Variants in ZFAND3 observed in about 807,000 individuals in gnomAD.
ZFAND3 encodes AN1-type zinc finger protein 3.
Under a neutral mutation model 29.6 loss-of-function variants are expected in ZFAND3, and 10 were observed. The ratio of observed to expected loss-of-function variants is 0.34; its 90% CI spans 0.21 to 0.57. The LOEUF (loss-of-function observed/expected upper bound fraction) is 0.57, where lower values mean the gene tolerates loss of function less well. Ranked by LOEUF, ZFAND3 falls within the 20% of genes least tolerant of loss-of-function variation. ZFAND3 has a pLI of 0.86. For missense variants in ZFAND3, 230 were observed against 304.5 expected, an observed-to-expected ratio of 0.76 and a Z score of 1.82; for synonymous variants, 128 against 112.6, an observed-to-expected ratio of 1.14 and a Z score of -0.87.
chr6:38,125,299 G>C (rs1481729271), intron 5 of ZFAND3, among the ~76,000 whole-genome samples: 1 of 152,202 alleles, frequency 6.6e-6, no homozygotes, highest in Admixed American at 6.5e-5. Flanking sequence ...ATTGCAACTT[G>C]AGATGTTAGA....
intron 5 of ZFAND3, among the ~76,000 whole-genome samples, chr6:38,140,491 G>GTGTTT (rs1383623379): frequency 4.6e-5 from 7 of 152,026 alleles, no homozygotes; most frequent in East Asian, 1.9e-4. Context: ...CATTCGTAGG[G>GTGTTT]TGTTTTGTTT....
intron 2 of ZFAND3, among the ~76,000 whole-genome samples, chr6:38,055,296 G>C (rs147852253): frequency 6.2e-4 from 94 of 152,324 alleles, no homozygotes; most frequent in African/African-American, 2.2e-3. Flanking sequence ...TTTATAGTCA[G>C]ATGGGGTTTG....
At chr6:37,942,310 A>G (rs990865386) in intron 2 of ZFAND3, among the ~76,000 whole-genome samples, 4 of 152,104 alleles carry the variant, frequency 2.6e-5, no homozygotes, top group Non-Finnish European at 5.9e-5. Context: ...GTTTACCTCC[A>G]TAAAATGTGG....
At chr6:37,908,553 AAAAAAAG>A (rs1765455066) in intron 1 of ZFAND3, among the ~76,000 whole-genome samples, 1 of 113,944 alleles carries the variant, frequency 8.8e-6, no homozygotes, top group African/African-American at 4.9e-5. Context: ...AAAAAAAAAA[AAAAAAAG>A]AAAAAAAAGA....
At chr6:37,867,476 G>A (rs564070904) in intron 1 of ZFAND3, among the ~76,000 whole-genome samples, 2 of 152,178 alleles carry the variant, frequency 1.3e-5, no homozygotes, top group Non-Finnish European at 2.9e-5. Flanking sequence ...TTTTAGACTA[G>A]TAAAGGGAAG....
intron 4 of ZFAND3, among the ~76,000 whole-genome samples, chr6:38,084,566 C>T (rs1465801436): frequency 6.6e-6 from 1 of 152,178 alleles, no homozygotes; most frequent in South Asian, 2.1e-4. Context: ...AGTAGAAGTA[C>T]TGGCATTCTT....
chr6:37,907,718 A>C (rs1010620407), intron 1 of ZFAND3, among the ~76,000 whole-genome samples: 16 of 152,170 alleles, frequency 1.1e-4, no homozygotes, highest in African/African-American at 3.9e-4. Flanking sequence ...TCCTCTTTCA[A>C]CTTTTTATTT....
At chr6:37,941,338 G>A (rs181440346) in intron 2 of ZFAND3, among the ~76,000 whole-genome samples, 4 of 152,314 alleles carry the variant, frequency 2.6e-5, no homozygotes, top group Admixed American at 2.6e-4. Flanking sequence ...TTGCATTTGT[G>A]TGTAGGAGTA....
At chr6:38,008,625 T>C (rs559192395) in intron 2 of ZFAND3, among the ~76,000 whole-genome samples, 9 of 152,266 alleles carry the variant, frequency 5.9e-5, no homozygotes, top group African/African-American at 2.2e-4. Flanking sequence ...CTCTTCTCTT[T>C]CTCTCCTTCT....
intron 2 of ZFAND3, among the ~76,000 whole-genome samples, chr6:37,944,657 T>C (rs1398716199): frequency 1.3e-5 from 2 of 152,228 alleles, no homozygotes; most frequent in Non-Finnish European, 2.9e-5. Flanking sequence ...AGAAAGGTGC[T>C]TCATATAACT....
At chr6:38,073,200 T>C (rs1317525363) in intron 3 of ZFAND3, among the ~76,000 whole-genome samples, 1 of 152,188 alleles carries the variant, frequency 6.6e-6, no homozygotes, top group Non-Finnish European at 1.5e-5. Flanking sequence ...GATGTCTTTT[T>C]TTCATTAGTC....
intron 5 of ZFAND3, among the ~76,000 whole-genome samples, chr6:38,148,435 G>C (rs190846611): frequency 1.3e-5 from 2 of 152,296 alleles, no homozygotes; most frequent in Non-Finnish European, 2.9e-5. Flanking sequence ...CACCGTCCTT[G>C]GCCCTCTCTG....
At chr6:37,973,970 A>G (rs983448746) in intron 2 of ZFAND3, among the ~76,000 whole-genome samples, 2 of 152,214 alleles carry the variant, frequency 1.3e-5, no homozygotes, top group African/African-American at 2.4e-5. Context: ...TTTATTGCCT[A>G]TCTGCAGGAA....
chr6:38,143,837 C>T (rs1232648294), intron 5 of ZFAND3, among the ~76,000 whole-genome samples: 2 of 152,130 alleles, frequency 1.3e-5, no homozygotes, highest in East Asian at 3.9e-4. Flanking sequence ...TTCCCCCTAC[C>T]ATGCAAAGCC....
At chr6:37,866,829 C>T (rs969166292) in intron 1 of ZFAND3, among the ~76,000 whole-genome samples, 4 of 152,176 alleles carry the variant, frequency 2.6e-5, no homozygotes, top group Non-Finnish European at 5.9e-5. Context: ...TGACTTTCAA[C>T]AGTGGTAAGG....
At chr6:37,826,115 T>C (rs1404713660) in intron 1 of ZFAND3, among the ~76,000 whole-genome samples, 2 of 152,210 alleles carry the variant, frequency 1.3e-5, no homozygotes, top group African/African-American at 4.8e-5. Context: ...AGAAATTCTT[T>C]TCTGTTTTTG....
chr6:38,013,227 A>G (rs544218715), intron 2 of ZFAND3, among the ~76,000 whole-genome samples: 1 of 152,288 alleles, frequency 6.6e-6, no homozygotes, highest in Admixed American at 6.5e-5. Flanking sequence ...GCTTTAATGG[A>G]ACACTATCAT....
At chr6:38,141,897 C>T (rs1165453746) in intron 5 of ZFAND3, among the ~76,000 whole-genome samples, 1 of 152,220 alleles carries the variant, frequency 6.6e-6, no homozygotes, top group Non-Finnish European at 1.5e-5. Context: ...AACCAGCCTT[C>T]CTTGAGCACA....
chr6:37,838,953 GT>G (rs1269324445), intron 1 of ZFAND3, among the ~76,000 whole-genome samples: 3 of 152,118 alleles, frequency 2.0e-5, no homozygotes, highest in African/African-American at 7.2e-5. Flanking sequence ...GAAGACTCCA[GT>G]TTCTTCACAT....
Sources: gnomAD v4.1 joint callset for allele counts (sites outside exome capture counted in the v4.1 genomes callset) on GRCh38, gnomAD v4.1.1 for gene constraint, MANE v1.5 for transcripts, NCBI Gene and HGNC (gene_info 2026-07-23, HGNC 2026-07-21) for gene names.